MYO10: variants seen among roughly 807,000 people sequenced by gnomAD.
MYO10 encodes unconventional myosin-X.
MYO10 carries 133 observed loss-of-function variants against 257.3 expected under a neutral mutation model. That is an observed-to-expected ratio of 0.52 (90% confidence interval 0.45 to 0.60). The LOEUF is 0.60. MYO10 is among the 20% of genes least tolerant of loss of function. MYO10 has a pLI of 0.00. For synonymous variants in MYO10, 1,104 were observed against 1,028.6 expected (o/e 1.07, Z -1.40); for missense variants, 2,399 against 2,635.7 (o/e 0.91, Z 1.97).
chr5:16,839,955 G>A (rs187671014), intron 2 of MYO10, among the ~76,000 whole-genome samples: 13 of 152,232 alleles, frequency 8.5e-5, no homozygotes, highest in East Asian at 7.7e-4. Flanking sequence ...GTCGAGGGGC[G>A]TCTGTACTTT....
At position 16,763,756 on chromosome 5, in the gene MYO10, C is replaced by A; in HGVS notation, c.1327-1G>T. The A allele has an allele frequency of 6.5e-7, 1 of 1,549,430 alleles. No homozygotes were observed. The highest frequency in any genetic ancestry group is 1.1e-5 in the South Asian group (1 of 87,934). On this transcript the variant is annotated splice_acceptor_variant, in intron 12 of 40. Transcript: ENST00000513610. LOFTEE classifies it high-confidence loss of function. The stretch of plus-strand genomic sequence containing the variant: ...TATTGAACTGTTCAAAGTGATTAAC[C>A]TAAGGGGGGAAAGCATTCAATAAGT...
intron 2 of MYO10, among the ~76,000 whole-genome samples, chr5:16,871,880 C>T (rs1744464980): frequency 1.3e-5 from 2 of 152,150 alleles, no homozygotes; most frequent in Non-Finnish European, 2.9e-5. Context: ...AGTCACCAAG[C>T]TAATTATACT....
At chr5:16,782,709 C>T (rs1299763847) in intron 5 of MYO10, among the ~76,000 whole-genome samples, 2 of 152,176 alleles carry the variant, frequency 1.3e-5, no homozygotes, top group Non-Finnish European at 2.9e-5. Context: ...TATAAAGTCC[C>T]TACCGGTTCT....
intron 1 of MYO10, among the ~76,000 whole-genome samples, chr5:16,912,870 A>G (rs1167106071): frequency 2.0e-5 from 3 of 148,196 alleles, no homozygotes; most frequent in African/African-American, 7.5e-5. Context: ...CCAAGATTGA[A>G]TTTCAGCCTC....
intron 3 of MYO10, among the ~76,000 whole-genome samples, chr5:16,817,654 T>C (rs1269075152): frequency 1.3e-5 from 2 of 152,214 alleles, no homozygotes; most frequent in Non-Finnish European, 2.9e-5. Context: ...CAAGTACTCA[T>C]GTCCACAAGT....
chr5:16,723,310 C>G (rs989049486), intron 19 of MYO10, among the ~76,000 whole-genome samples: 1 of 152,004 alleles, frequency 6.6e-6, no homozygotes, highest in Non-Finnish European at 1.5e-5. Flanking sequence ...ATGGCGTGAA[C>G]CTGGGAGGCG....
intron 19 of MYO10, among the ~76,000 whole-genome samples, chr5:16,747,935 A>G (rs1359726616): frequency 1.4e-4 from 17 of 123,186 alleles, no homozygotes; most frequent in Admixed American, 4.3e-4. Flanking sequence ...AAAAAAAAAA[A>G]AAAAAAAAAA....
intron 27 of MYO10, 93 bp downstream of exon 27, chr5:16,694,278 T>C: frequency 1.7e-5 from 26 of 1,565,262 alleles, no homozygotes; most frequent in Non-Finnish European, 2.1e-5. Context: ...TACAGGCTAC[T>C]GCCGCTGCAA....
intron 10 of MYO10, among the ~76,000 whole-genome samples, chr5:16,767,287 C>A (rs776281925): frequency 6.6e-6 from 1 of 150,574 alleles, no homozygotes; most frequent in Admixed American, 6.7e-5. Flanking sequence ...TCTCTTGCCT[C>A]AGCTTCCCAA....
chr5:16,789,730 C>T (rs1211403784), intron 4 of MYO10, among the ~76,000 whole-genome samples: 2 of 152,040 alleles, frequency 1.3e-5, no homozygotes, highest in Non-Finnish European at 2.9e-5. Context: ...GAGGAGGAGC[C>T]GAGATTGTGC....
In MYO10 at chr5:16,779,559, A is replaced by AG. The variant is rs1289275613; in HGVS notation, c.915dup (p.Phe306LeufsTer2). On this transcript the variant is annotated frameshift_variant, in exon 9 of 41. Transcript: ENST00000513610. LOFTEE classifies it high-confidence loss of function. ...AAGTAACTTACAATAACTTCCCTAA[A>AG]GGATTCCTGGTCACTGATTGTCTTG... The AG allele has an allele frequency of 6.3e-7, 1 of 1,576,016 alleles. No homozygotes were observed. The highest frequency in any genetic ancestry group is 8.6e-7 in the Non-Finnish European group (1 of 1,164,088).
chr5:16,704,591 C>T lies in MYO10; in HGVS notation c.2264G>A (p.Gly755Asp). The T allele has an allele frequency of 6.2e-7, 1 of 1,613,840 alleles. No homozygotes were observed. Among genetic ancestry groups the T allele is most frequent in the Non-Finnish European group, 8.5e-7 (1 of 1,179,852 alleles). ...AAMVIRAHVL[G>D]FLARKQYRKV... ...GTGGGGTTCTTACCGTGCTAAGAAGCCCAAGACATGGGCCCGAATCACCAT... is the reference window on the plus strand; with the variant it reads ...GTGGGGTTCTTACCGTGCTAAGAAGTCCAAGACATGGGCCCGAATCACCAT... Residue 755 changes from glycine to aspartate, a missense_variant, in exon 22 of 41, where the codon GGC (glycine) becomes GAC (aspartate). Physicochemically the swap from Gly to Asp is moderately conservative, Grantham distance 94. Coordinates refer to ENST00000513610, the MANE Select transcript of MYO10 (RefSeq NM_012334.3).
At chr5:16,934,337 T>C (rs1746375460) in intron 1 of MYO10, among the ~76,000 whole-genome samples, 1 of 152,254 alleles carries the variant, frequency 6.6e-6, no homozygotes, top group Non-Finnish European at 1.5e-5. Context: ...TTCTATATTT[T>C]CATCAGATTT....
intron 2 of MYO10, among the ~76,000 whole-genome samples, chr5:16,859,172 C>A (rs182304555): frequency 6.6e-6 from 1 of 152,268 alleles, no homozygotes; most frequent in African/African-American, 2.4e-5. Flanking sequence ...TAACAAACTA[C>A]CACAGACTGG....
Position 16,750,536 on chromosome 5 carries a change from G to A in MYO10, c.1929+4292C>T, listed in dbSNP as rs73053028. On this transcript the variant is annotated intron_variant, in intron 19 of 40. Coordinates refer to ENST00000513610, the MANE Select transcript of MYO10 (RefSeq NM_012334.3). ...GGCAGCCTGCCGTAGCAGCCAGGGCGGGTAAAGGGGGTGTGCTCCCACTAG... is the reference window on the plus strand; with the variant it reads ...GGCAGCCTGCCGTAGCAGCCAGGGCAGGTAAAGGGGGTGTGCTCCCACTAG... Among the ~76,000 whole-genome samples the A allele has an allele frequency of 1.0e-3, 157 of 152,238 alleles. 1 individual carries two copies. Among genetic ancestry groups the A allele is most frequent in the African/African-American group, 3.6e-3 (150 of 41,548 alleles).
At chr5:16,823,754 G>A (rs58671291) in intron 2 of MYO10, among the ~76,000 whole-genome samples, 5,950 of 149,140 alleles carry the variant, frequency 0.04, 222 homozygotes, top group East Asian at 0.14. Flanking sequence ...TTACAGGCGT[G>A]AGCCACTGCG....
At chr5:16,824,751 C>CA (rs1742950939) in intron 2 of MYO10, among the ~76,000 whole-genome samples, 1 of 152,096 alleles carries the variant, frequency 6.6e-6, no homozygotes. Context: ...CCTGTAGTCC[C>CA]AGCTACTCAG....
rs567175395 is a variant in MYO10, at chr5:16,829,897, A to ACACACG, written c.121-11736_121-11731dup. Among the ~76,000 whole-genome samples, 279 of 148,860 alleles carry ACACACG rather than the reference A, an allele frequency of 1.9e-3. 3 individuals carry two copies. The highest frequency in any genetic ancestry group is 0.011 in the Middle Eastern group (3 of 284). On this transcript the variant is annotated intron_variant, in intron 2 of 40. Transcript: ENST00000513610. ...GAAGGAACGGCTAATACACACACACACACACGCACACGCACACGCACACAA... is the reference window on the plus strand; with the variant it reads ...GAAGGAACGGCTAATACACACACACACACACGCACACGCACACGCACACGCACACAA...
chr5:16,784,108 G>A (rs148292098), intron 4 of MYO10, among the ~76,000 whole-genome samples: 69 of 152,350 alleles, frequency 4.5e-4, no homozygotes, highest in Middle Eastern at 3.4e-3. Flanking sequence ...AATCCAGAGG[G>A]AAGGGAGGCA....
Sources: gnomAD v4.1 joint callset for allele counts (sites outside exome capture counted in the v4.1 genomes callset) on GRCh38, gnomAD v4.1.1 for gene constraint, MANE v1.5 for transcripts, NCBI Gene and HGNC (gene_info 2026-07-23, HGNC 2026-07-21) for gene names.